ARID4B: variants seen among roughly 807,000 people sequenced by gnomAD.
ARID4B encodes AT-rich interaction domain 4B, also known as AT-rich interactive domain-containing protein 4B.
Under a neutral mutation model 147.5 loss-of-function variants are expected in ARID4B, and 26 were observed. The observed-to-expected ratio is 0.18, with a 90% CI of 0.13 to 0.24. The LOEUF is 0.24. Among genes scored for constraint, ARID4B ranks in the 10% least tolerant of loss-of-function variants. The probability of loss-of-function intolerance (pLI) is 1.00; values close to 1 mark genes in which losing one functional copy is unlikely to be tolerated. For missense variants in ARID4B, 1,179 were observed against 1,511.5 expected (o/e 0.78, Z 3.65); for synonymous variants, 512 against 507.9 (o/e 1.01, Z -0.11).
At chr1:235,191,691 G>A (rs892845016) in intron 19 of ARID4B, among the ~76,000 whole-genome samples, 1 of 152,178 alleles carries the variant, frequency 6.6e-6, no homozygotes, top group African/African-American at 2.4e-5. Context: ...GTATGACTTA[G>A]AATCTCTATT....
chr1:235,239,059 T>G (rs537418321), intron 8 of ARID4B, among the ~76,000 whole-genome samples: 1 of 151,818 alleles, frequency 6.6e-6, no homozygotes, highest in Non-Finnish European at 1.5e-5. Context: ...CTTGGCTCAC[T>G]GCAACCTCCG....
intron 2 of ARID4B, among the ~76,000 whole-genome samples, chr1:235,268,302 T>C (rs1670748265): frequency 6.6e-6 from 1 of 152,100 alleles, no homozygotes; most frequent in Admixed American, 6.5e-5. Flanking sequence ...AGTCTAAATA[T>C]TGGACTGGAA....
intron 2 of ARID4B, among the ~76,000 whole-genome samples, chr1:235,319,901 G>A (rs773948854): frequency 5.3e-5 from 8 of 151,982 alleles, no homozygotes; most frequent in Non-Finnish European, 1.2e-4. Flanking sequence ...GGCCGAGGCA[G>A]GTGGATAACA....
intron 2 of ARID4B, among the ~76,000 whole-genome samples, chr1:235,265,524 C>G (rs1670545361): frequency 6.6e-6 from 1 of 151,770 alleles, no homozygotes; most frequent in Non-Finnish European, 1.5e-5. Context: ...CATGGCAAAA[C>G]CCTGTTTCTA....
intron 2 of ARID4B, among the ~76,000 whole-genome samples, chr1:235,292,106 G>A (rs138956492): frequency 6.6e-6 from 1 of 152,116 alleles, no homozygotes; most frequent in African/African-American, 2.4e-5. Context: ...TAATAATACA[G>A]ATACAACTTA....
At chr1:235,172,502 C>T (rs12035188) in intron 23 of ARID4B, 116 bp downstream of exon 23, 202,662 of 619,104 alleles carry the variant, frequency 0.33, 36,310 homozygotes, top group South Asian at 0.53. Context: ...TGTTTGAACC[C>T]AGGAGGTGGA....
At chr1:235,229,124 A>C in intron 11 of ARID4B, 107 bp downstream of exon 11, 2 of 1,261,630 alleles carry the variant, frequency 1.6e-6, no homozygotes, top group Non-Finnish European at 2.2e-6. Flanking sequence ...AATATTTCTC[A>C]TACTAAAAAT....
intron 2 of ARID4B, among the ~76,000 whole-genome samples, chr1:235,275,867 T>G (rs532743476): frequency 9.2e-4 from 140 of 152,330 alleles, no homozygotes; most frequent in African/African-American, 3.2e-3. Flanking sequence ...CTGGGCACAG[T>G]GGCTCACGCC....
intron 17 of ARID4B, among the ~76,000 whole-genome samples, chr1:235,210,507 G>A (rs1038201950): frequency 1.3e-5 from 2 of 151,846 alleles, no homozygotes; most frequent in Non-Finnish European, 2.9e-5. Flanking sequence ...TGGAGGAGCC[G>A]CAAAAATAAA....
chr1:235,309,505 G>A (rs1436670429), intron 2 of ARID4B, among the ~76,000 whole-genome samples: 2 of 149,090 alleles, frequency 1.3e-5, no homozygotes. Context: ...ACTGGAAAGT[G>A]AGGAGCCCCT....
intron 20 of ARID4B, chr1:235,181,283 C>A: frequency 3.6e-6 from 2 of 550,554 alleles, no homozygotes; most frequent in East Asian, 4.8e-5. Flanking sequence ...TATAGTCAAC[C>A]ACTGCATATA....
intron 3 of ARID4B, among the ~76,000 whole-genome samples, chr1:235,260,107 T>G (rs1487975035): frequency 6.6e-6 from 1 of 152,218 alleles, no homozygotes; most frequent in Non-Finnish European, 1.5e-5. Context: ...AAGACAAAAC[T>G]CAAGTACTTT....
chr1:235,207,955 TG>T (rs1289881166), intron 17 of ARID4B, among the ~76,000 whole-genome samples: 3 of 152,222 alleles, frequency 2.0e-5, no homozygotes, highest in Non-Finnish European at 4.4e-5. Context: ...CTAGAACTGT[TG>T]TGGCTTATTT....
At chr1:235,326,116 T>C (rs1479030550) in intron 2 of ARID4B, among the ~76,000 whole-genome samples, 1 of 152,130 alleles carries the variant, frequency 6.6e-6, no homozygotes, top group Admixed American at 6.5e-5. Context: ...ATCCAGACTT[T>C]TCAAAAATCT....
chr1:235,313,337 ATT>A (rs34571520), intron 2 of ARID4B, among the ~76,000 whole-genome samples: 2 of 149,920 alleles, frequency 1.3e-5, no homozygotes, highest in African/African-American at 2.5e-5. Flanking sequence ...CCTAAGTTGA[ATT>A]TTTTTTTTTT....
Position 235,313,098 on chromosome 1 carries a change from C to T in ARID4B, c.6+13816G>A, listed in dbSNP as rs943842302. 2.0e-5 allele frequency among the ~76,000 whole-genome samples: 3 copies of T among 152,184 alleles called. No individual in the cohort carries two copies. The South Asian group carries it at 6.2e-4, about 32-fold the overall frequency. On this transcript the variant is annotated intron_variant, in intron 2 of 23. Coordinates refer to ENST00000264183, the MANE Select transcript of ARID4B (RefSeq NM_016374.6). Reference sequence around the variant, plus strand: ...TCATTCTATCACCTAGGCTGGAGTGCAGTGGTGCGATCTCAGCTTACTGCA... The same window carrying T: ...TCATTCTATCACCTAGGCTGGAGTGTAGTGGTGCGATCTCAGCTTACTGCA...
intron 2 of ARID4B, among the ~76,000 whole-genome samples, chr1:235,315,126 T>C (rs1180112652): frequency 6.6e-6 from 1 of 152,178 alleles, no homozygotes; most frequent in Non-Finnish European, 1.5e-5. Context: ...ATATAAAGTA[T>C]CTGTCCCATT....
chr1:235,191,868 A>C (rs1298351022), intron 19 of ARID4B, among the ~76,000 whole-genome samples: 1 of 152,200 alleles, frequency 6.6e-6, no homozygotes, highest in East Asian at 1.9e-4. Flanking sequence ...GCTTGAGTCC[A>C]GGAGTTTGAG....
chr1:235,295,688 T>C (rs1672648763), intron 2 of ARID4B, among the ~76,000 whole-genome samples: 1 of 151,282 alleles, frequency 6.6e-6, no homozygotes, highest in Admixed American at 6.6e-5. Context: ...AGGGTGCCTA[T>C]AATCCCAGCT....
Sources: allele counts gnomAD v4.1 joint callset (sites outside exome capture counted in the v4.1 genomes callset), GRCh38; gene constraint gnomAD v4.1.1; transcripts MANE v1.5; gene names NCBI Gene and HGNC (gene_info 2026-07-23, HGNC 2026-07-21).